The following PPP3CA variants were observed in gnomAD, a reference collection of about 807,000 sequenced individuals.
PPP3CA encodes the protein protein phosphatase 3 catalytic subunit alpha, also known as CAM-PRP catalytic subunit.
In PPP3CA, 14 loss-of-function variants were observed where a neutral mutation model predicts 66.5. That is an observed-to-expected ratio of 0.21 (90% CI 0.14 to 0.33). PPP3CA has a LOEUF of 0.33. PPP3CA is among the 10% of genes least tolerant of loss of function. PPP3CA has a pLI of 1.00. For missense variants in PPP3CA, 317 were observed against 639.5 expected (o/e 0.50, Z 5.44); for synonymous variants, 232 against 226.2 (o/e 1.03, Z -0.23).
intron 1 of PPP3CA, among the ~76,000 whole-genome samples, chr4:101,322,181 C>G (rs190656663): frequency 2.5e-4 from 38 of 152,160 alleles, no homozygotes; most frequent in Middle Eastern, 3.4e-3. Context: ...ACAGTCTATT[C>G]GAAAATGCAT....
At chr4:101,174,575 A>G (rs1056829141) in intron 2 of PPP3CA, among the ~76,000 whole-genome samples, 1 of 152,232 alleles carries the variant, frequency 6.6e-6, no homozygotes, top group Non-Finnish European at 1.5e-5. Flanking sequence ...AACAATATAA[A>G]GAATATGTGT....
chr4:101,237,549 A>G (rs753584479), intron 1 of PPP3CA, among the ~76,000 whole-genome samples: 3 of 152,102 alleles, frequency 2.0e-5, no homozygotes, highest in Non-Finnish European at 4.4e-5. Flanking sequence ...CTATAGCTTC[A>G]TAATTGCTCT....
chr4:101,208,653 A>G (rs1287443977), intron 1 of PPP3CA, among the ~76,000 whole-genome samples: 13 of 152,212 alleles, frequency 8.5e-5, no homozygotes, highest in African/African-American at 2.4e-5. Context: ...GTGTAATACA[A>G]TTTCAATATA....
At chr4:101,089,289 C>T (rs1257366987) in intron 6 of PPP3CA, among the ~76,000 whole-genome samples, 1 of 151,510 alleles carries the variant, frequency 6.6e-6, no homozygotes, top group Non-Finnish European at 1.5e-5. Flanking sequence ...GAAGGGATCG[C>T]CCTGACAAGT....
At chr4:101,061,613 G>A (rs927343039) in intron 9 of PPP3CA, among the ~76,000 whole-genome samples, 1 of 151,994 alleles carries the variant, frequency 6.6e-6, no homozygotes, top group Non-Finnish European at 1.5e-5. Context: ...GTGGTTTTGT[G>A]TTTAATACAA....
At chr4:101,146,104 G>C (rs1243714202) in intron 2 of PPP3CA, among the ~76,000 whole-genome samples, 1 of 152,156 alleles carries the variant, frequency 6.6e-6, no homozygotes, top group African/African-American at 2.4e-5. Context: ...TATTCATGCT[G>C]CAAGTTGGAA....
At chr4:101,321,063 C>T (rs192506129) in intron 1 of PPP3CA, among the ~76,000 whole-genome samples, 109 of 152,266 alleles carry the variant, frequency 7.2e-4, no homozygotes, top group East Asian at 4.6e-3. Flanking sequence ...CTTTCACTTA[C>T]AAGACAAAGT....
At chr4:101,142,252 T>C (rs1419741907) in intron 2 of PPP3CA, among the ~76,000 whole-genome samples, 1 of 152,196 alleles carries the variant, frequency 6.6e-6, no homozygotes, top group Non-Finnish European at 1.5e-5. Flanking sequence ...TAAATTGGAC[T>C]TCCTGTAAAT....
At chr4:101,055,023 T>C (rs1728168615) in intron 10 of PPP3CA, among the ~76,000 whole-genome samples, 1 of 152,132 alleles carries the variant, frequency 6.6e-6, no homozygotes, top group Non-Finnish European at 1.5e-5. Context: ...TCCACAGTTT[T>C]TTCTGGTGAG....
At chr4:101,164,247 TA>T (rs763937001) in intron 2 of PPP3CA, among the ~76,000 whole-genome samples, 23,374 of 151,864 alleles carry the variant, frequency 0.15, 2,483 homozygotes, top group East Asian at 0.29. Flanking sequence ...TCCCACCCCA[TA>T]CAATTTTCTA....
At chr4:101,172,219 A>G (rs956265765) in intron 2 of PPP3CA, among the ~76,000 whole-genome samples, 5 of 152,164 alleles carry the variant, frequency 3.3e-5, no homozygotes, top group African/African-American at 1.2e-4. Context: ...CTAGAAATTC[A>G]TGCTATATTC....
intron 6 of PPP3CA, among the ~76,000 whole-genome samples, chr4:101,088,033 G>C (rs1239963296): frequency 1.3e-5 from 2 of 152,112 alleles, no homozygotes; most frequent in East Asian, 3.9e-4. Flanking sequence ...ACTCAGGTCT[G>C]CTAATGCCTT....
chr4:101,046,145 T>G (rs972512868), intron 10 of PPP3CA, among the ~76,000 whole-genome samples: 1 of 151,930 alleles, frequency 6.6e-6, no homozygotes, highest in Non-Finnish European at 1.5e-5. Context: ...CCATCTCTCT[T>G]CTCCACCAAA....
chr4:101,239,842 A>G (rs747034077), intron 1 of PPP3CA, among the ~76,000 whole-genome samples: 23 of 152,032 alleles, frequency 1.5e-4, no homozygotes, highest in Non-Finnish European at 3.2e-4. Context: ...GGGATTCCAT[A>G]GGCATGAAAA....
chr4:101,128,350 A>C (rs1459540368), intron 2 of PPP3CA, among the ~76,000 whole-genome samples: 1 of 152,160 alleles, frequency 6.6e-6, no homozygotes, highest in African/African-American at 2.4e-5. Context: ...CATCCATCAT[A>C]CATTATATGT....
rs562885990 is a variant in PPP3CA at position 101,165,195 on chromosome 4, T to C, written c.259+30721A>G. 2.0e-5 allele frequency among the ~76,000 whole-genome samples: 3 copies of C among 152,268 alleles called. No individual in the cohort carries two copies. The South Asian group carries it at 6.2e-4, about 32-fold the overall frequency. Reference sequence around the variant, plus strand: ...ATTTCATGTTGGATGACTCTTATAATAGAAAACATTTCTTTGTATCTCTTT... The same window carrying C: ...ATTTCATGTTGGATGACTCTTATAACAGAAAACATTTCTTTGTATCTCTTT... On this transcript the variant is annotated intron_variant, in intron 2 of 13. Transcript: ENST00000394854.
At chr4:101,245,947 T>C (rs560238410) in intron 1 of PPP3CA, among the ~76,000 whole-genome samples, 1 of 152,204 alleles carries the variant, frequency 6.6e-6, no homozygotes, top group East Asian at 1.9e-4. Flanking sequence ...ATTAACCCAT[T>C]GTCACTCATT....
intron 1 of PPP3CA, among the ~76,000 whole-genome samples, chr4:101,279,652 T>C (rs895213162): frequency 3.7e-4 from 56 of 152,306 alleles, no homozygotes; most frequent in African/African-American, 1.3e-3. Context: ...AGCAGCCTGA[T>C]TGAAACCAGC....
intron 2 of PPP3CA, among the ~76,000 whole-genome samples, chr4:101,178,087 A>C (rs1055002389): frequency 1.3e-5 from 2 of 152,120 alleles, no homozygotes; most frequent in South Asian, 2.1e-4. Flanking sequence ...ACAGCACTGT[A>C]AAGTAGAAAT....
Sources: allele counts gnomAD v4.1 joint callset (sites outside exome capture counted in the v4.1 genomes callset), GRCh38; gene constraint gnomAD v4.1.1; transcripts MANE v1.5; gene names NCBI Gene and HGNC (gene_info 2026-07-23, HGNC 2026-07-21).